The following KATNAL1 variants were observed in gnomAD, a reference collection of about 807,000 sequenced individuals.
KATNAL1 encodes the protein katanin catalytic subunit A1 like 1.
Under a neutral mutation model 55.2 loss-of-function variants are expected in KATNAL1, and 32 were observed. The observed-to-expected ratio is 0.58, with a 90% CI of 0.44 to 0.78. The LOEUF (loss-of-function observed/expected upper bound fraction) is 0.78, where lower values mean the gene tolerates loss of function less well. Among genes scored for constraint, KATNAL1 ranks in the 30% least tolerant of loss-of-function variants. The pLI is 0.00. For missense variants in KATNAL1, 466 were observed against 600.9 expected (o/e 0.78, Z 2.35); for synonymous variants, 193 against 193.6 (o/e 1.00, Z 0.02).
At chr13:30,276,726 C>T (rs577048570) in intron 3 of KATNAL1, among the ~76,000 whole-genome samples, 6 of 152,140 alleles carry the variant, frequency 3.9e-5, no homozygotes, top group Admixed American at 6.5e-5. Context: ...GATATACAGA[C>T]GTGTATCAAA....
At chr13:30,222,086 T>C (rs970651723) in intron 9 of KATNAL1, among the ~76,000 whole-genome samples, 1 of 152,164 alleles carries the variant, frequency 6.6e-6, no homozygotes, top group African/African-American at 2.4e-5. Context: ...TTATTCTGAA[T>C]GTGTCTGTGA....
At chr13:30,270,295 A>G (rs1593921030) in intron 3 of KATNAL1, among the ~76,000 whole-genome samples, 1 of 116,030 alleles carries the variant, frequency 8.6e-6, no homozygotes. Context: ...TCCAGGAGGG[A>G]GGTGGGGGGT....
At chr13:30,294,653 A>T (rs1361008048) in intron 1 of KATNAL1, among the ~76,000 whole-genome samples, 1 of 152,254 alleles carries the variant, frequency 6.6e-6, no homozygotes, top group Non-Finnish European at 1.5e-5. Flanking sequence ...AGGTGGCTAC[A>T]CTAAACAACA....
intron 4 of KATNAL1, among the ~76,000 whole-genome samples, chr13:30,243,608 CAAAAAAA>C (rs139687662): frequency 2.3e-5 from 2 of 86,466 alleles, no homozygotes; most frequent in Non-Finnish European, 4.4e-5. Flanking sequence ...GGTATTAAGC[CAAAAAAA>C]AAAAAAAAAA....
At chr13:30,303,900 T>C (rs1023370366) in intron 1 of KATNAL1, among the ~76,000 whole-genome samples, 8 of 152,222 alleles carry the variant, frequency 5.3e-5, no homozygotes, top group Non-Finnish European at 1.0e-4. Flanking sequence ...CTGCTTAATA[T>C]GGTCAAGTAA....
At chr13:30,271,061 T>A (rs1317630610) in intron 3 of KATNAL1, among the ~76,000 whole-genome samples, 1 of 152,130 alleles carries the variant, frequency 6.6e-6, no homozygotes, top group African/African-American at 2.4e-5. Flanking sequence ...GGTGAGGGCA[T>A]TTGCCATGTG....
chr13:30,208,522 T>C lies in KATNAL1; in HGVS notation c.*18A>G, dbSNP rs561690192. On this transcript the variant is annotated 3_prime_UTR_variant, in exon 11 of 11. Coordinates refer to ENST00000380615, the MANE Select transcript of KATNAL1 (RefSeq NM_032116.5). ...TTTTATCAACAAAAATACCAGAAATTAAAGAGCTGACAGAAATTCAAGCAG... is the reference window on the plus strand; with the variant it reads ...TTTTATCAACAAAAATACCAGAAATCAAAGAGCTGACAGAAATTCAAGCAG... 10 of 1,477,450 alleles carry C rather than the reference T, an allele frequency of 6.8e-6. No individual in the cohort carries two copies. The East Asian group carries it at 2.5e-4, about 36-fold the overall frequency. 91.5% of individuals were successfully genotyped at this position (1,477,450 alleles called of 1,614,324 possible).
At chr13:30,224,580 C>A (rs1325636459) in intron 9 of KATNAL1, among the ~76,000 whole-genome samples, 1 of 148,754 alleles carries the variant, frequency 6.7e-6, no homozygotes, top group African/African-American at 2.5e-5. Flanking sequence ...AAACCAATAA[C>A]CTTAGTTTCT....
Position 30,205,546 on chromosome 13 carries a change from G to C in KATNAL1, c.*2994C>G, listed in dbSNP as rs797015785. On this transcript the variant is annotated 3_prime_UTR_variant, in exon 11 of 11. Transcript: ENST00000380615. Reference sequence around the variant, plus strand: ...GCAACACTGAATAACAAAACAAAACGAAGCAAAACAATTCAATCTCATTCT... The same window carrying C: ...GCAACACTGAATAACAAAACAAAACCAAGCAAAACAATTCAATCTCATTCT... 7 of 152,298 alleles carry C rather than the reference G, an allele frequency of 4.6e-5. No individual in the cohort carries two copies. The highest frequency in any genetic ancestry group is 1.7e-4 in the African/African-American group (7 of 41,560). The allele number at this position is 152,298 out of a possible 1,614,324, so 9.4% of individuals were successfully genotyped here.
intron 4 of KATNAL1, among the ~76,000 whole-genome samples, chr13:30,241,399 T>C (rs1877269129): frequency 6.6e-6 from 1 of 152,190 alleles, no homozygotes; most frequent in Non-Finnish European, 1.5e-5. Context: ...GCAGAGGATT[T>C]CCACCACTAC....
rs1403053993 is a variant in KATNAL1, at chr13:30,207,779, T to C, written c.*761A>G. 1.3e-5 allele frequency: 2 copies of C among 151,934 alleles called. No homozygotes were observed. Among genetic ancestry groups the C allele is most frequent in the Non-Finnish European group, 2.9e-5 (2 of 67,990 alleles). 9.4% of individuals were successfully genotyped at this position (151,934 alleles called of 1,614,324 possible). A position where few individuals can be genotyped will look rare whatever the true frequency, so the allele number is the denominator to read the frequency against. ...ACTCCTTCACGCACACACAAAAAAG[T>C]GAAAACAAACTTGGAAGTCTAGAAT... On this transcript the variant is annotated 3_prime_UTR_variant, in exon 11 of 11. Coordinates refer to ENST00000380615, the MANE Select transcript of KATNAL1 (RefSeq NM_032116.5).
At chr13:30,244,127 G>A (rs1168691954) in intron 4 of KATNAL1, among the ~76,000 whole-genome samples, 1 of 147,232 alleles carries the variant, frequency 6.8e-6, no homozygotes, top group African/African-American at 2.5e-5. Context: ...TCCCCTCCCT[G>A]TATCCATGTC....
intron 3 of KATNAL1, among the ~76,000 whole-genome samples, chr13:30,277,108 T>A (rs561669151): frequency 1.3e-5 from 2 of 152,310 alleles, no homozygotes; most frequent in Non-Finnish European, 2.9e-5. Context: ...AAAAGCCATA[T>A]CCTCTCTGCA....
chr13:30,274,929 A>G lies in KATNAL1; in HGVS notation c.323+5134T>C, dbSNP rs1382468905. 6.6e-5 allele frequency among the ~76,000 whole-genome samples: 10 copies of G among 151,414 alleles called. No homozygotes were observed. In the East Asian group the frequency reaches 7.8e-4, roughly 12 times the overall value. ...CGCGCACACACACACACACACACAC[A>G]CACACACACACACACACACACACAG... On this transcript the variant is annotated intron_variant, in intron 3 of 10. Transcript: ENST00000380615.
intron 4 of KATNAL1, among the ~76,000 whole-genome samples, chr13:30,250,637 T>A (rs541748527): frequency 6.6e-5 from 10 of 152,326 alleles, no homozygotes; most frequent in South Asian, 6.2e-4. Context: ...GACTTACTCA[T>A]GAGAAGGAAA....
chr13:30,274,907 G>GCGCGCGCGCGCGCACACACA (rs869107567), intron 3 of KATNAL1, among the ~76,000 whole-genome samples: 2 of 105,390 alleles, frequency 1.9e-5, no homozygotes, highest in African/African-American at 4.1e-5. Context: ...GCGCGCGCGC[G>GCGCGCGCGCGCGCACACACA]CACACACACA....
intron 9 of KATNAL1, among the ~76,000 whole-genome samples, chr13:30,226,039 C>T (rs755127223): frequency 6.6e-5 from 10 of 152,108 alleles, no homozygotes; most frequent in South Asian, 4.1e-4. Context: ...AGGTACTCAA[C>T]GTAAGTCATC....
rs367929248 is a variant in KATNAL1 at position 30,261,244 on chromosome 13, A to G, written c.324-5629T>C. 4.3e-4 allele frequency among the ~76,000 whole-genome samples: 65 copies of G among 152,226 alleles called. No individual in the cohort carries two copies. In the South Asian group the frequency reaches 0.011, roughly 27 times the overall value. On this transcript the variant is annotated intron_variant, in intron 3 of 10. Transcript: ENST00000380615. ...CACTAAACATGGAAAGGAACAACCG[A>G]TACCAGCCGCTGCAAAATCATGCCA...
chr13:30,237,214 TACTC>T (rs1317079984), intron 6 of KATNAL1, among the ~76,000 whole-genome samples: 2 of 152,164 alleles, frequency 1.3e-5, no homozygotes, highest in Non-Finnish European at 2.9e-5. Context: ...ACAAGGTAAA[TACTC>T]AATAAATATG....
Sources: gnomAD v4.1 joint callset for allele counts (sites outside exome capture counted in the v4.1 genomes callset) on GRCh38, gnomAD v4.1.1 for gene constraint, MANE v1.5 for transcripts, NCBI Gene and HGNC (gene_info 2026-07-23, HGNC 2026-07-21) for gene names.